Variants in EIF2B4 observed in about 807,000 individuals in gnomAD.
EIF2B4 encodes the protein eukaryotic translation initiation factor 2B subunit delta, also known as translation initiation factor eIF2B subunit delta.
In EIF2B4, 34 loss-of-function variants were observed where a neutral mutation model predicts 66.7. The ratio of observed to expected loss-of-function variants is 0.51; its 90% CI spans 0.39 to 0.68. The LOEUF is 0.68. Among genes scored for constraint, EIF2B4 ranks in the 30% least tolerant of loss-of-function variants. The pLI is 0.00. For synonymous variants in EIF2B4, 278 were observed against 253.6 expected (o/e 1.10, Z -0.92); for missense variants, 618 against 657.9 (o/e 0.94, Z 0.66).
intron 4 of EIF2B4, 35 bp downstream of exon 4, chr2:27,368,971 G>C (rs773813808): frequency 6.2e-7 from 1 of 1,612,418 alleles, no homozygotes; most frequent in African/African-American, 1.3e-5. Flanking sequence ...GTTATAATTA[G>C]GAGTAAGGGA....
At chr2:27,365,040 C>A in intron 11 of EIF2B4, 142 bp from the exon 12 acceptor site, 6 of 818,600 alleles carry the variant, frequency 7.3e-6, no homozygotes, top group Non-Finnish European at 7.8e-6. Flanking sequence ...CAAAAACAGA[C>A]AACAAGTAAT....
Position 27,364,572 on chromosome 2 carries a change from C to T in EIF2B4, c.1400G>A (p.Arg467Gln), listed in dbSNP as rs751555693. Residue 467 changes from arginine (R) to glutamine (Q), a missense_variant, in exon 13 of 13, where the codon CGG (arginine) becomes CAG (glutamine). Arg to Gln is a conservative substitution (Grantham distance 43, BLOSUM62 1). Coordinates refer to ENST00000347454, the MANE Select transcript of EIF2B4 (RefSeq NM_001034116.2). The stretch of plus-strand genomic sequence containing the variant: ...GTTAGCCAGCGCAACATGTTCTCCC[C>T]GCTTACATTGCAGATCATCAGGGTC... Reference protein sequence around the residue: ...LDDPDDLQCKRGEHVALANWQ... With the variant: ...LDDPDDLQCKQGEHVALANWQ... The T allele has an allele frequency of 2.1e-5, 34 of 1,614,072 alleles. No homozygotes were observed. The East Asian group carries it at 3.3e-4, about 16-fold the overall frequency.
intron 4 of EIF2B4, 135 bp from the exon 5 acceptor site, chr2:27,368,868 G>T (rs1234596162): frequency 4.9e-6 from 7 of 1,415,572 alleles, no homozygotes; most frequent in Non-Finnish European, 6.9e-6. Flanking sequence ...AGGAAATAGG[G>T]ATAGGATAAT....
At chr2:27,365,201 C>T (rs1483104865) in intron 11 of EIF2B4, 2 of 367,026 alleles carry the variant, frequency 5.4e-6, no homozygotes, top group Non-Finnish European at 1.0e-5. Context: ...GGATTACAGG[C>T]ATGCACCACC....
intron 7 of EIF2B4, 55 bp from the exon 8 acceptor site, chr2:27,367,877 G>C (rs536216701): frequency 2.1e-5 from 33 of 1,561,922 alleles, no homozygotes; most frequent in Non-Finnish European, 2.6e-5. Flanking sequence ...ATCTCTGAAC[G>C]GGGGCTGGGG....
chr2:27,368,602 C>G (rs2148377190), intron 5 of EIF2B4, 52 bp downstream of exon 5: 1 of 1,608,484 alleles, frequency 6.2e-7, no homozygotes, highest in Middle Eastern at 1.7e-4. Flanking sequence ...TTTCCTCCCT[C>G]CAGTCCATTT....
At chr2:27,367,912 C>A (rs980385158) in intron 7 of EIF2B4, 90 bp from the exon 8 acceptor site, 3 of 1,505,624 alleles carry the variant, frequency 2.0e-6, no homozygotes, top group Non-Finnish European at 2.8e-6. Context: ...GGAAAATGTT[C>A]TGAGGGTAGG....
chr2:27,368,607 C>G (rs1484986107), intron 5 of EIF2B4, 47 bp downstream of exon 5: 4 of 1,610,342 alleles, frequency 2.5e-6, no homozygotes, highest in Non-Finnish European at 3.4e-6. Context: ...TCCCTCCAGT[C>G]CATTTCCCTA....
At chr2:27,370,262 G>A in intron 1 of EIF2B4, 22 bp downstream of exon 1, 2 of 1,548,410 alleles carry the variant, frequency 1.3e-6, no homozygotes, top group Non-Finnish European at 1.7e-6. Context: ...GTACCAGTAG[G>A]CAGGCCCGGC....
chr2:27,368,676 A>C lies in EIF2B4; in HGVS notation c.476T>G (p.Val159Gly). 1 of 1,614,104 alleles carries C rather than the reference A, an allele frequency of 6.2e-7. No homozygotes were observed. Among genetic ancestry groups the C allele is most frequent in the Non-Finnish European group, 8.5e-7 (1 of 1,180,010 alleles). Residue 159 changes from valine (V) to glycine (G), a missense_variant, in exon 5 of 13, where the codon GTT (valine) becomes GGT (glycine). Around this residue, in one of 4 missense-constraint regions of EIF2B4, gnomAD observed 506 missense variants for 511.9 expected, o/e 0.99. Coordinates refer to ENST00000347454, the MANE Select transcript of EIF2B4 (RefSeq NM_001034116.2). Reference protein sequence around the residue: ...QVDDLLLRRLVKKPERQQVPT... With the variant: ...QVDDLLLRRLGKKPERQQVPT... ...TACCTGTTGACGCTCTGGTTTTTTA[A>C]CAAGCCTTCTCAGAAGTAGGTCATC...
chr2:27,368,025 C>T lies in EIF2B4; in HGVS notation c.705G>A (p.Gln235=). 1 of 1,577,994 alleles carries T rather than the reference C, an allele frequency of 6.3e-7. No homozygotes were observed. Among genetic ancestry groups the T allele is most frequent in the African/African-American group, 1.3e-5 (1 of 74,272 alleles). The change falls in exon 7 of 13, where the codon CAG becomes CAA. Residue 235 remains glutamine, a splice_region_variant and synonymous_variant. Transcript: ENST00000347454. ...TAAGAGAGAACAGGATGGGACATAC[C>T]TGCTGCAAGGCACGAAGCAGGGCAA... The part of the protein sequence containing the change: ...RCIALLRALQ[Q]VIQDYTTPPN...
rs781357939 is a variant in EIF2B4, at chr2:27,367,010, G to T, written c.1013+64C>A. 12 of 1,613,782 alleles carry T rather than the reference G, an allele frequency of 7.4e-6. No individual in the cohort carries two copies. In the Admixed American group the frequency reaches 2.0e-4, roughly 27 times the overall value. ...GACTAACTTATTCCCAAAGGCAAGT[G>T]GGTAGTCCCTTCTTCAGATCATTCC... On this transcript the variant is annotated intron_variant, in intron 10 of 12. Transcript: ENST00000347454.
intron 12 of EIF2B4, 48 bp from the exon 13 acceptor site, chr2:27,364,647 A>C: frequency 6.2e-7 from 1 of 1,614,120 alleles, no homozygotes; most frequent in Non-Finnish European, 8.5e-7. Context: ...AAGAAGTTCT[A>C]GTTTATCCGC....
intron 3 of EIF2B4, 65 bp from the exon 4 acceptor site, chr2:27,369,277 C>T (rs1682143889): frequency 1.2e-6 from 2 of 1,607,180 alleles, no homozygotes; most frequent in Non-Finnish European, 1.7e-6. Context: ...CCAGCTAAAA[C>T]TAGCTTCTCT....
Position 27,364,740 on chromosome 2 carries a change from A to G in EIF2B4, c.1350T>C (p.Asp450=), listed in dbSNP as rs777400118. 6.2e-7 allele frequency: 1 copy of G among 1,614,228 alleles called. No homozygotes were observed. The change falls in exon 12 of 13, where the codon GAT becomes GAC. Residue 450 remains aspartate (D), a synonymous_variant. Coordinates refer to ENST00000347454, the MANE Select transcript of EIF2B4 (RefSeq NM_001034116.2). ...TACCTAGCTCATTAGAGACAAAGGC[A>G]TCAGTCTGCACACGCTCACAGAACT... is the stretch of plus-strand genomic sequence containing the variant. The part of the protein sequence containing the change: ...TYKFCERVQT[D]AFVSNELDDP...
chr2:27,369,592 A>C, intron 2 of EIF2B4, 43 bp from the exon 3 acceptor site: 2 of 1,613,354 alleles, frequency 1.2e-6, no homozygotes, highest in Non-Finnish European at 1.7e-6. Flanking sequence ...CAACAATTCC[A>C]AAGGGGAACA....
At chr2:27,370,233 C>G (rs367784417) in intron 1 of EIF2B4, 51 bp downstream of exon 1, 1 of 1,542,216 alleles carries the variant, frequency 6.5e-7, no homozygotes, top group Non-Finnish European at 8.7e-7. Context: ...ACTAGCTGTC[C>G]GGAGCTCGTC....
intron 2 of EIF2B4, 89 bp downstream of exon 2, chr2:27,369,787 G>C (rs1010663671): frequency 2.0e-6 from 3 of 1,490,254 alleles, no homozygotes; most frequent in Non-Finnish European, 2.7e-6. Context: ...GAAATAAACC[G>C]ACACGGGATG....
At chr2:27,368,954 A>T (rs1682096128) in intron 4 of EIF2B4, 52 bp downstream of exon 4, 2 of 1,608,244 alleles carry the variant, frequency 1.2e-6, no homozygotes, top group Non-Finnish European at 1.7e-6. Flanking sequence ...GGGCAGCCTG[A>T]GCTGGCGTTA....
Sources: gnomAD v4.1 joint callset for allele counts on GRCh38, gnomAD v4.1.1 for gene constraint, gnomAD v4.1.1 regional missense constraint, MANE v1.5 for transcripts, NCBI Gene and HGNC (gene_info 2026-07-23, HGNC 2026-07-21) for gene names.